The following DRC2 variants were observed in gnomAD, a reference collection of about 807,000 sequenced individuals.
DRC2 encodes the protein dynein regulatory complex subunit 2, also known as coiled-coil domain containing 65.
the DRC2 span, among the ~76,000 whole-genome samples, chr12:48,915,685 C>T: frequency 2.4e-4 from 36 of 150,390 alleles, no homozygotes; most frequent in Non-Finnish European, 3.0e-4. Context: ...CCAGTAGGGG[C>T]GGCCGGGCAG....
chr12:48,904,767 A>T, the DRC2 span, among the ~76,000 whole-genome samples: 7 of 152,318 alleles, frequency 4.6e-5, no homozygotes, highest in African/African-American at 1.7e-4. Context: ...AGGTCATTAC[A>T]AACAACATCC....
At chr12:48,909,563 C>T in the DRC2 span, among the ~76,000 whole-genome samples, 2 of 152,020 alleles carry the variant, frequency 1.3e-5, no homozygotes, top group East Asian at 1.9e-4. Context: ...CTGTAACCTT[C>T]GCCTCTCGGG....
At chr12:48,905,113 G>A in the DRC2 span, 1 of 1,593,002 alleles carries the variant, frequency 6.3e-7, no homozygotes, top group Non-Finnish European at 8.6e-7. Flanking sequence ...ATGTCATCAA[G>A]GTAGGCACTC....
At chr12:48,904,140 T>A in the DRC2 span, 2 of 641,990 alleles carry the variant, frequency 3.1e-6, no homozygotes, top group African/African-American at 1.9e-5. Flanking sequence ...ACTAGACGCG[T>A]CTTACAGTGG....
the DRC2 span, among the ~76,000 whole-genome samples, chr12:48,920,441 T>TTTAAAAAAAAAAAAAAAAAAAAAA: frequency 1.5e-5 from 1 of 67,816 alleles, no homozygotes; most frequent in Non-Finnish European, 2.6e-5. Context: ...AACTCCATCT[T>TTTAAAAAAAAAAAAAAAAAAAAAA]AAAAAAAAAA....
chr12:48,917,188 C>T, the DRC2 span: 1 of 1,525,148 alleles, frequency 6.6e-7, no homozygotes, highest in Non-Finnish European at 9.0e-7. Context: ...CAGTGGCTCA[C>T]ACCTGTAATC....
the DRC2 span, chr12:48,917,025 A>G: frequency 6.2e-7 from 1 of 1,613,938 alleles, no homozygotes; most frequent in Admixed American, 1.7e-5. Context: ...AGATATCTTC[A>G]TGGCCATGGA....
the DRC2 span, among the ~76,000 whole-genome samples, chr12:48,920,428 C>G: frequency 1.2e-5 from 1 of 80,836 alleles, no homozygotes; most frequent in African/African-American, 4.6e-5. Context: ...GCAACAAGAG[C>G]GAAACTCCAT....
At chr12:48,918,525 T>A in the DRC2 span, 1 of 1,572,796 alleles carries the variant, frequency 6.4e-7, no homozygotes, top group Non-Finnish European at 8.7e-7. Flanking sequence ...TATTATCCCC[T>A]CTTTTGCTTC....
At chr12:48,913,092 G>A in the DRC2 span, among the ~76,000 whole-genome samples, 5 of 124,322 alleles carry the variant, frequency 4.0e-5, no homozygotes, top group Non-Finnish European at 8.0e-5. Flanking sequence ...CCAAGATCGC[G>A]CCACTGCACT....
chr12:48,919,073 A>T, the DRC2 span, among the ~76,000 whole-genome samples: 2 of 151,936 alleles, frequency 1.3e-5, no homozygotes, highest in South Asian at 2.1e-4. Flanking sequence ...AAATTAAATT[A>T]ATTTATTTAT....
the DRC2 span, chr12:48,914,402 A>G: frequency 1.9e-6 from 3 of 1,598,556 alleles, no homozygotes; most frequent in Non-Finnish European, 2.6e-6. Context: ...TTTCTGGCCT[A>G]GTCTTTAGCT....
the DRC2 span, among the ~76,000 whole-genome samples, chr12:48,919,795 C>T: frequency 6.6e-6 from 1 of 151,920 alleles, no homozygotes; most frequent in African/African-American, 2.4e-5. Flanking sequence ...GGATTACAGG[C>T]GTGAGCCACC....
chr12:48,914,006 T>G, the DRC2 span, among the ~76,000 whole-genome samples: 1 of 146,326 alleles, frequency 6.8e-6, no homozygotes, highest in East Asian at 2.1e-4. Flanking sequence ...CACAGCTCAC[T>G]GCAACTTTGA....
At chr12:48,904,981 G>A in the DRC2 span, 1 of 1,613,068 alleles carries the variant, frequency 6.2e-7, no homozygotes, top group Non-Finnish European at 8.5e-7. Flanking sequence ...ACAGTGCTCT[G>A]AACCTTAATA....
chr12:48,916,896 T>C, the DRC2 span: 4 of 1,430,972 alleles, frequency 2.8e-6, no homozygotes, highest in Non-Finnish European at 3.9e-6. Context: ...ATAGATTACA[T>C]ACTGCTTTGA....
At chr12:48,905,421 G>T in the DRC2 span, among the ~76,000 whole-genome samples, 1 of 152,034 alleles carries the variant, frequency 6.6e-6, no homozygotes, top group Non-Finnish European at 1.5e-5. Context: ...ATGTCAGAAG[G>T]CTCAGTTCCA....
chr12:48,920,102 G>A, the DRC2 span, among the ~76,000 whole-genome samples: 10 of 84,866 alleles, frequency 1.2e-4, no homozygotes, highest in Admixed American at 1.8e-4. Context: ...GACAGAGTAA[G>A]ACCCTGTCTA....
the DRC2 span, among the ~76,000 whole-genome samples, chr12:48,913,688 G>A: frequency 6.6e-6 from 1 of 151,956 alleles, no homozygotes; most frequent in Non-Finnish European, 1.5e-5. Flanking sequence ...GTAGAGATGG[G>A]GTTTCACTAT....
Sources: allele counts gnomAD v4.1 joint callset (sites outside exome capture counted in the v4.1 genomes callset), GRCh38; gene constraint gnomAD v4.1.1; transcripts MANE v1.5; gene names NCBI Gene and HGNC (gene_info 2026-07-23, HGNC 2026-07-21).